COL22A1: variants seen among roughly 807,000 people sequenced by gnomAD.
COL22A1 encodes collagen alpha-1(XXII) chain.
In COL22A1, 221 loss-of-function variants were observed where a neutral mutation model predicts 248.9. The ratio of observed to expected loss-of-function variants is 0.89; its 90% CI spans 0.80 to 0.99. COL22A1 has a LOEUF of 0.99. Among genes scored for constraint, COL22A1 ranks in the 50% least tolerant of loss-of-function variants. COL22A1 has a pLI of 0.00. For missense variants in COL22A1, 2,240 were observed against 2,179.0 expected (o/e 1.03, Z -0.56); for synonymous variants, 891 against 793.4 (o/e 1.12, Z -2.07).
At chr8:138,764,832 G>C (rs1303343849) in intron 16 of COL22A1, among the ~76,000 whole-genome samples, 1 of 152,026 alleles carries the variant, frequency 6.6e-6, no homozygotes, top group African/African-American at 2.4e-5. Context: ...CATGGTGGTG[G>C]GCACCTGTAG....
intron 40 of COL22A1, 145 bp from the exon 41 acceptor site, chr8:138,676,780 A>G (rs1277770615): frequency 9.7e-6 from 6 of 618,222 alleles, no homozygotes; most frequent in African/African-American, 1.9e-5. Flanking sequence ...TAGTCTACCC[A>G]GGCAGCCCAT....
At chr8:138,851,664 G>A (rs1009579573) in intron 3 of COL22A1, among the ~76,000 whole-genome samples, 1 of 152,160 alleles carries the variant, frequency 6.6e-6, no homozygotes, top group Non-Finnish European at 1.5e-5. Context: ...GGAGGAGATG[G>A]AGGCGCAAGG....
chr8:138,903,467 A>G (rs1477220474), intron 1 of COL22A1, among the ~76,000 whole-genome samples: 1 of 152,112 alleles, frequency 6.6e-6, no homozygotes, highest in Non-Finnish European at 1.5e-5. Flanking sequence ...GCATCCCATA[A>G]AGGTCTAATG....
chr8:138,761,932 T>C (rs952922160), intron 17 of COL22A1, among the ~76,000 whole-genome samples: 1 of 152,310 alleles, frequency 6.6e-6, no homozygotes, highest in South Asian at 2.1e-4. Flanking sequence ...CTTTTCTTTA[T>C]TTTCCACTGA....
At chr8:138,765,013 G>A (rs1023331983) in intron 16 of COL22A1, among the ~76,000 whole-genome samples, 3 of 152,188 alleles carry the variant, frequency 2.0e-5, no homozygotes, top group South Asian at 2.1e-4. Flanking sequence ...CACTTGGGGC[G>A]AATGGTGAGT....
In COL22A1 at chr8:138,630,741, T is replaced by C. The variant is rs773911853; in HGVS notation, c.3617A>G (p.Asp1206Gly). The C allele has an allele frequency of 4.3e-5, 70 of 1,613,920 alleles. No individual in the cohort carries two copies. The highest frequency in any genetic ancestry group is 1.5e-4 in the Admixed American group (9 of 60,014). Reference protein sequence around the residue: ...PPGNPGPPGADGIAGAAGPPG... With the variant: ...PPGNPGPPGAGGIAGAAGPPG... Reference sequence around the variant, plus strand: ...TGGTCCAGCAGCTCCTGCAATTCCATCTGCCCCCTAAAAAAGACAAGGCAG... The same window carrying C: ...TGGTCCAGCAGCTCCTGCAATTCCACCTGCCCCCTAAAAAAGACAAGGCAG... The change falls in exon 50 of 65, where the codon GAT becomes GGT. Residue 1206 changes from aspartate to glycine, a missense_variant. By Grantham distance (94) the Asp-to-Gly change is moderately conservative. Transcript: ENST00000303045.
chr8:138,903,370 G>A (rs1814761444), intron 1 of COL22A1, among the ~76,000 whole-genome samples: 1 of 152,240 alleles, frequency 6.6e-6, no homozygotes, highest in Non-Finnish European at 1.5e-5. Context: ...GTTCAGGACA[G>A]ACTGGGGGGC....
chr8:138,779,503 A>G lies in COL22A1; in HGVS notation c.1704+6T>C, dbSNP rs371814806. The G allele has an allele frequency of 2.5e-6, 4 of 1,608,748 alleles. No individual in the cohort carries two copies. Among genetic ancestry groups the G allele is most frequent in the Non-Finnish European group, 3.4e-6 (4 of 1,175,500 alleles). On this transcript the variant is annotated splice_donor_region_variant and intron_variant, in intron 14 of 64. Coordinates refer to ENST00000303045, the MANE Select transcript of COL22A1 (RefSeq NM_152888.3). ...TCAGAAGGGCCCAGCTCACAGCAACACTCACCCGCATGCCGACCTCACCCG... is the reference window on the plus strand; with the variant it reads ...TCAGAAGGGCCCAGCTCACAGCAACGCTCACCCGCATGCCGACCTCACCCG...
intron 16 of COL22A1, among the ~76,000 whole-genome samples, chr8:138,775,255 A>G (rs1305421459): frequency 6.6e-6 from 1 of 152,188 alleles, no homozygotes; most frequent in Non-Finnish European, 1.5e-5. Flanking sequence ...AGCAGCAGCT[A>G]TGGTTTGGGA....
At chr8:138,840,872 A>G (rs950163570) in intron 4 of COL22A1, among the ~76,000 whole-genome samples, 2 of 152,194 alleles carry the variant, frequency 1.3e-5, no homozygotes, top group African/African-American at 4.8e-5. Flanking sequence ...TTGGCTTCCC[A>G]AAGCTCTAGT....
At chr8:138,607,835 C>G in intron 57 of COL22A1, 101 bp downstream of exon 57, 1 of 1,150,052 alleles carries the variant, frequency 8.7e-7, no homozygotes, top group East Asian at 2.4e-5. Context: ...ATGTCCCCAC[C>G]GATGCTTCTA....
At chr8:138,781,614 G>A (rs1450135057) in intron 12 of COL22A1, among the ~76,000 whole-genome samples, 1 of 152,220 alleles carries the variant, frequency 6.6e-6, no homozygotes, top group Non-Finnish European at 1.5e-5. Flanking sequence ...ACACGGTGCA[G>A]CTGTGGGAAG....
intron 48 of COL22A1, 53 bp downstream of exon 48, chr8:138,636,689 G>T (rs756513542): frequency 1.5e-6 from 2 of 1,342,466 alleles, no homozygotes; most frequent in Non-Finnish European, 2.1e-6. Context: ...CCACCTGGGA[G>T]AAACAGTGCT....
chr8:138,836,879 G>A (rs1047636454), intron 4 of COL22A1, among the ~76,000 whole-genome samples: 8 of 152,108 alleles, frequency 5.3e-5, no homozygotes, highest in African/African-American at 9.7e-5. Context: ...CAGAACAGCC[G>A]CTGTTCCTAC....
chr8:138,901,472 TC>T (rs1385756947), intron 1 of COL22A1, among the ~76,000 whole-genome samples: 1 of 149,674 alleles, frequency 6.7e-6, no homozygotes, highest in African/African-American at 2.4e-5. Context: ...GCTCTGGTGA[TC>T]CTCCCACCTC....
At chr8:138,813,831 CA>C (rs1327675437) in intron 7 of COL22A1, among the ~76,000 whole-genome samples, 1 of 151,812 alleles carries the variant, frequency 6.6e-6, no homozygotes, top group African/African-American at 2.4e-5. Context: ...CTGCATTGAA[CA>C]AGATCCTTAA....
chr8:138,599,024 C>T (rs773168410), intron 60 of COL22A1, 126 bp from the exon 61 acceptor site: 1 of 951,838 alleles, frequency 1.1e-6, no homozygotes, highest in Non-Finnish European at 1.6e-6. Flanking sequence ...CCCTGGGTGG[C>T]CCATGTGTGG....
intron 5 of COL22A1, chr8:138,827,053 A>G (rs1220726723): frequency 9.5e-6 from 4 of 420,926 alleles, no homozygotes; most frequent in Admixed American, 3.5e-5. Flanking sequence ...CACCACCACC[A>G]TGACTCTGAT....
At chr8:138,837,151 A>G (rs1161974641) in intron 4 of COL22A1, among the ~76,000 whole-genome samples, 1 of 152,186 alleles carries the variant, frequency 6.6e-6, no homozygotes, top group Admixed American at 6.5e-5. Flanking sequence ...GGTCAACCCC[A>G]CTGTCCCTGC....
Sources: allele counts gnomAD v4.1 joint callset (sites outside exome capture counted in the v4.1 genomes callset), GRCh38; gene constraint gnomAD v4.1.1; transcripts MANE v1.5; gene names NCBI Gene and HGNC (gene_info 2026-07-23, HGNC 2026-07-21).